NAP1L1: variants seen among roughly 807,000 people sequenced by gnomAD.
NAP1L1 encodes nucleosome assembly protein 1-like 1.
A neutral mutation model predicts 58.9 loss-of-function variants in NAP1L1; 9 were observed. The observed-to-expected ratio is 0.15, with a 90% CI of 0.09 to 0.27. The LOEUF (loss-of-function observed/expected upper bound fraction) is 0.27. Ranked by LOEUF, NAP1L1 falls within the 10% of genes least tolerant of loss-of-function variation. The pLI is 1.00. For synonymous variants in NAP1L1, 130 were observed against 138.3 expected (o/e 0.94, Z 0.42); for missense variants, 302 against 458.8 (o/e 0.66, Z 3.12).
In NAP1L1 at chr12:76,054,010, TA is replaced by T. The variant is rs1043965907; in HGVS notation, c.631-102del. The T allele has an allele frequency of 2.7e-5, 33 of 1,213,588 alleles. No homozygotes were observed. In the African/African-American group the frequency reaches 4.4e-4, roughly 16 times the overall value. The allele number at this position is 1,213,588 out of a possible 1,614,324, so 75.2% of individuals were successfully genotyped here. A position where few individuals can be genotyped will look rare whatever the true frequency, so the allele number is the denominator to read the frequency against. On this transcript the variant is annotated intron_variant, in intron 8 of 14. Coordinates refer to ENST00000618691, the MANE Select transcript of NAP1L1 (RefSeq NM_004537.7). ...CTGTTTTTATAAATATTCTAAATGA[TA>T]ATTTTTTTTTCTACTCTGAAATACA... is the stretch of plus-strand genomic sequence containing the variant.
chr12:76,055,679 CA>C (rs1229356680), intron 7 of NAP1L1, among the ~76,000 whole-genome samples: 2 of 152,070 alleles, frequency 1.3e-5, no homozygotes, highest in African/African-American at 4.8e-5. Context: ...TTTTAAAATG[CA>C]AATTTCTCCT....
intron 1 of NAP1L1, among the ~76,000 whole-genome samples, chr12:76,082,421 T>C (rs897566307): frequency 7.9e-5 from 12 of 152,234 alleles, no homozygotes; most frequent in Admixed American, 3.9e-4. Flanking sequence ...GTATTAGCTT[T>C]ATAATTCTGC....
At position 76,043,497 on chromosome 12, in the gene NAP1L1, A is replaced by AC. The variant is rs1316442947; in HGVS notation, c.*4931_*4932insG. On this transcript the variant is annotated 3_prime_UTR_variant, in exon 15 of 15. Coordinates refer to ENST00000618691, the MANE Select transcript of NAP1L1 (RefSeq NM_004537.7). ...TCTCAGAAAAAAAAAAAAAAAAAAA[A>AC]ATTTCTACATGGAATGGTCATCCTC... 6.6e-6 allele frequency: 1 copy of AC among 151,314 alleles called. No individual in the cohort carries two copies. The highest frequency in any genetic ancestry group is 1.5e-5 in the Non-Finnish European group (1 of 67,976). The allele number at this position is 151,314 out of a possible 1,614,324, so 9.4% of individuals were successfully genotyped here. A position where few individuals can be genotyped will look rare whatever the true frequency, so the allele number is the denominator to read the frequency against.
rs188117493 is a variant in NAP1L1, at chr12:76,040,459, T to A, written c.*7970A>T. 6.6e-6 allele frequency: 1 copy of A among 152,270 alleles called. No homozygotes were observed. The highest frequency in any genetic ancestry group is 1.9e-4 in the East Asian group (1 of 5,172). The allele number at this position is 152,270 out of a possible 1,614,324, so 9.4% of individuals were successfully genotyped here. A position where few individuals can be genotyped will look rare whatever the true frequency, so the allele number is the denominator to read the frequency against. ...CAGCTATTCATGAAGGCAGTGAGGA[T>A]TGAGACTGTTATAATCCAGTTCCAC... is the stretch of plus-strand genomic sequence containing the variant. On this transcript the variant is annotated 3_prime_UTR_variant, in exon 15 of 15. Transcript: ENST00000618691.
chr12:76,043,030 TTAAA>T lies in NAP1L1; in HGVS notation c.*5395_*5398del, dbSNP rs1024393952. On this transcript the variant is annotated 3_prime_UTR_variant, in exon 15 of 15. Transcript: ENST00000618691. Reference sequence around the variant, plus strand: ...GATAAAACTTTATTCAGCAATTTTTTTAAATAAAGCTTTTGTTCTTGGCTAAGTA... The same window carrying T: ...GATAAAACTTTATTCAGCAATTTTTTTAAAGCTTTTGTTCTTGGCTAAGTA... 4 of 152,216 alleles carry T rather than the reference TTAAA, an allele frequency of 2.6e-5. No individual in the cohort carries two copies. The highest frequency in any genetic ancestry group is 4.4e-5 in the Non-Finnish European group (3 of 68,036). The allele number at this position is 152,216 out of a possible 1,614,324, so 9.4% of individuals were successfully genotyped here.
At position 76,053,311 on chromosome 12, in the gene NAP1L1, C is replaced by G. The variant is rs780704549; in HGVS notation, c.810G>C (p.Leu270Phe). The change falls in exon 10 of 15, where the codon TTG (leucine) becomes TTC (phenylalanine). Residue 270 changes from leucine to phenylalanine, a missense_variant. By Grantham distance (22) the Leu-to-Phe change is conservative. Coordinates refer to ENST00000618691, the MANE Select transcript of NAP1L1 (RefSeq NM_004537.7). The part of the protein sequence containing the change: ...IDWKKGKNVT[L>F]KTIKKKQKHK... Reference sequence around the variant, plus strand: ...GTTTCTGCTTCTTCTTAATAGTTTTCAAAGTGACATTCTTTCCTTTTTTCC... The same window carrying G: ...GTTTCTGCTTCTTCTTAATAGTTTTGAAAGTGACATTCTTTCCTTTTTTCC... The G allele has an allele frequency of 1.2e-6, 2 of 1,613,780 alleles. No individual in the cohort carries two copies. The highest frequency in any genetic ancestry group is 1.7e-6 in the Non-Finnish European group (2 of 1,179,918).
Position 76,044,829 on chromosome 12 carries a change from C to A in NAP1L1, c.*3600G>T, listed in dbSNP as rs1310567436. Reference sequence around the variant, plus strand: ...TCCTTGAGTAAAATAATTTCATATACCAACAAGGATGTTTCCATTTCTGTA... The same window carrying A: ...TCCTTGAGTAAAATAATTTCATATAACAACAAGGATGTTTCCATTTCTGTA... On this transcript the variant is annotated 3_prime_UTR_variant, in exon 15 of 15. Transcript: ENST00000618691. The A allele has an allele frequency of 2.0e-5, 3 of 152,120 alleles. No homozygotes were observed. Among genetic ancestry groups the A allele is most frequent in the Non-Finnish European group, 4.4e-5 (3 of 68,004 alleles). The allele number at this position is 152,120 out of a possible 1,614,324, so 9.4% of individuals were successfully genotyped here.
intron 8 of NAP1L1, 48 bp downstream of exon 8, chr12:76,054,971 T>C (rs748112451): frequency 2.2e-6 from 3 of 1,338,576 alleles, no homozygotes; most frequent in African/African-American, 3.0e-5. Context: ...TCTATTTATC[T>C]ACCTGTAAGC....
chr12:76,049,008 G>GT (rs1344990662), intron 14 of NAP1L1, 192 bp downstream of exon 14: 4 of 570,226 alleles, frequency 7.0e-6, no homozygotes, highest in African/African-American at 3.8e-5. Context: ...AAAAAACAAT[G>GT]TTTTTTAGAA....
At chr12:76,056,602 C>T (rs1592631181) in intron 6 of NAP1L1, 1 of 455,754 alleles carries the variant, frequency 2.2e-6, no homozygotes, top group East Asian at 7.0e-5. Context: ...CACAGCTCTG[C>T]CATTATTCAT....
chr12:76,050,345 A>G (rs1322966604), intron 12 of NAP1L1, among the ~76,000 whole-genome samples, 186 bp downstream of exon 12: 1 of 152,238 alleles, frequency 6.6e-6, no homozygotes, highest in Non-Finnish European at 1.5e-5. Flanking sequence ...AAGCTAAGAT[A>G]AATGAATCCA....
intron 4 of NAP1L1, among the ~76,000 whole-genome samples, chr12:76,066,042 T>A (rs1592666248): frequency 7.0e-6 from 1 of 143,850 alleles, no homozygotes; most frequent in Non-Finnish European, 1.5e-5. Context: ...GATTGATTAG[T>A]GAATAGTGTT....
chr12:76,052,252 A>G (rs1948876060), intron 11 of NAP1L1, among the ~76,000 whole-genome samples: 2 of 151,904 alleles, frequency 1.3e-5, no homozygotes. Flanking sequence ...TTTAGTAACA[A>G]ACAAACAAAC....
In NAP1L1 at chr12:76,070,268, G is replaced by T. The variant is rs377215455; in HGVS notation, c.18-1274C>A. On this transcript the variant is annotated intron_variant, in intron 2 of 14. Coordinates refer to ENST00000618691, the MANE Select transcript of NAP1L1 (RefSeq NM_004537.7). Reference sequence around the variant, plus strand: ...CTCCTGAATAGCTGGGACTACAGGAGTGCGCCACTGCACCTGGCTAATTTC... The same window carrying T: ...CTCCTGAATAGCTGGGACTACAGGATTGCGCCACTGCACCTGGCTAATTTC... Among the ~76,000 whole-genome samples, 3 of 152,262 alleles carry T rather than the reference G, an allele frequency of 2.0e-5. No individual in the cohort carries two copies. The East Asian group carries it at 5.8e-4, about 29-fold the overall frequency.
chr12:76,043,360 T>C lies in NAP1L1; in HGVS notation c.*5069A>G, dbSNP rs776648015. The stretch of plus-strand genomic sequence containing the variant: ...CCTGGCCAACATGGTGAAACACCTC[T>C]CAACAAATGTAAAAATTAGCTGGGC... On this transcript the variant is annotated 3_prime_UTR_variant, in exon 15 of 15. Transcript: ENST00000618691. The C allele has an allele frequency of 1.1e-4, 16 of 151,184 alleles. No homozygotes were observed. The highest frequency in any genetic ancestry group is 1.5e-4 in the Non-Finnish European group (10 of 67,938). 9.4% of individuals were successfully genotyped at this position (151,184 alleles called of 1,614,324 possible).
intron 1 of NAP1L1, among the ~76,000 whole-genome samples, chr12:76,076,552 AT>A (rs1950182220): frequency 2.1e-4 from 1 of 4,678 alleles, no homozygotes; most frequent in Non-Finnish European, 4.7e-4. Flanking sequence ...ATATGGAAAT[AT>A]ATATATATAT....
At chr12:76,053,181 T>C in intron 10 of NAP1L1, 24 bp downstream of exon 10, 1 of 1,612,856 alleles carries the variant, frequency 6.2e-7, no homozygotes, top group East Asian at 2.2e-5. Context: ...CAACCGTTAA[T>C]ACTCAAGCTA....
chr12:76,070,664 C>T (rs1949912944), intron 2 of NAP1L1, among the ~76,000 whole-genome samples: 1 of 152,216 alleles, frequency 6.6e-6, no homozygotes, highest in Non-Finnish European at 1.5e-5. Context: ...TGCTTTCACA[C>T]TACATCAGCA....
chr12:76,061,360 GGTAA>G (rs1949405484), intron 4 of NAP1L1, among the ~76,000 whole-genome samples: 1 of 152,054 alleles, frequency 6.6e-6, no homozygotes, highest in Non-Finnish European at 1.5e-5. Flanking sequence ...AGCTCCTACT[GGTAA>G]GTAAGAATGT....
Sources: allele counts gnomAD v4.1 joint callset (sites outside exome capture counted in the v4.1 genomes callset), GRCh38; gene constraint gnomAD v4.1.1; transcripts MANE v1.5; gene names NCBI Gene and HGNC (gene_info 2026-07-23, HGNC 2026-07-21).